The following PIGL variants were observed in gnomAD, a reference collection of about 807,000 sequenced individuals.
PIGL encodes N-acetylglucosaminyl-phosphatidylinositol de-N-acetylase.
A neutral mutation model predicts 31.1 loss-of-function variants in PIGL; 22 were observed. The observed-to-expected ratio is 0.71, with a 90% CI of 0.51 to 1.01. The LOEUF (loss-of-function observed/expected upper bound fraction) is 1.01, where lower values mean the gene tolerates loss of function less well. PIGL is among the 50% of genes least tolerant of loss of function. The pLI, the probability that PIGL is intolerant of heterozygous loss-of-function variation, is 0.00. For missense variants in PIGL, 302 were observed against 315.9 expected (o/e 0.96, Z 0.33); for synonymous variants, 131 against 117.4 (o/e 1.12, Z -0.75).
At chr17:16,234,957 C>T (rs988810212) in intron 2 of PIGL, among the ~76,000 whole-genome samples, 5 of 152,076 alleles carry the variant, frequency 3.3e-5, no homozygotes, top group African/African-American at 1.2e-4. Flanking sequence ...CCCCCATTTG[C>T]CTATTACCTA....
chr17:16,227,323 C>G (rs1008842485), intron 1 of PIGL, among the ~76,000 whole-genome samples: 1 of 151,898 alleles, frequency 6.6e-6, no homozygotes, highest in Non-Finnish European at 1.5e-5. Context: ...GTTGGCCAGG[C>G]TAGTCTCAAA....
chr17:16,248,643 A>G lies in PIGL; in HGVS notation c.335+14573A>G, dbSNP rs1036668339. On this transcript the variant is annotated intron_variant, in intron 2 of 6. Transcript: ENST00000225609. ...CTCACCAGAATCACCTTTAATGTCC[A>G]TATTTCTACCAACCATTCCTTCCTG... 5.9e-5 allele frequency among the ~76,000 whole-genome samples: 9 copies of G among 152,022 alleles called. No homozygotes were observed. The South Asian group carries it at 8.3e-4, about 14-fold the overall frequency.
intron 2 of PIGL, among the ~76,000 whole-genome samples, chr17:16,243,126 C>T (rs2092730076): frequency 6.6e-6 from 1 of 152,180 alleles, no homozygotes; most frequent in South Asian, 2.1e-4. Flanking sequence ...TCTTGGCTCA[C>T]AGCAACCTCC....
At chr17:16,270,459 A>G (rs900532906) in intron 2 of PIGL, among the ~76,000 whole-genome samples, 1 of 151,828 alleles carries the variant, frequency 6.6e-6, no homozygotes, top group South Asian at 2.1e-4. Flanking sequence ...AAATTAATTA[A>G]TTATAAATTA....
At chr17:16,270,819 G>T (rs1336845219) in intron 2 of PIGL, among the ~76,000 whole-genome samples, 1 of 151,970 alleles carries the variant, frequency 6.6e-6, no homozygotes, top group African/African-American at 2.4e-5. Flanking sequence ...CTTGAACCCG[G>T]GAGGCAGAGG....
rs931892014 is a variant in PIGL, at chr17:16,291,955, C to T, written c.336-7933C>T. Among the ~76,000 whole-genome samples, 8 of 151,800 alleles carry T rather than the reference C, an allele frequency of 5.3e-5. 1 individual carries two copies. The highest frequency in any genetic ancestry group is 1.0e-4 in the Non-Finnish European group (7 of 67,974). The stretch of plus-strand genomic sequence containing the variant: ...CTAGCCTGGGCAACATAGCAAGACC[C>T]CATGGCTATAAAATTAAAAAAGGAT... On this transcript the variant is annotated intron_variant, in intron 2 of 6. Coordinates refer to ENST00000225609, the MANE Select transcript of PIGL (RefSeq NM_004278.4).
At chr17:16,235,777 C>T (rs117353663) in intron 2 of PIGL, among the ~76,000 whole-genome samples, 2,688 of 134,204 alleles carry the variant, frequency 0.02, 66 homozygotes, top group East Asian at 0.049. Context: ...TTTTTGCACA[C>T]GGCAAATCAG....
intron 1 of PIGL, among the ~76,000 whole-genome samples, chr17:16,228,590 G>A (rs892187956): frequency 6.8e-6 from 1 of 147,916 alleles, no homozygotes; most frequent in Non-Finnish European, 1.5e-5. Flanking sequence ...GGGTTTCACC[G>A]TGTTAGCCAG....
At chr17:16,247,502 G>A (rs2092753617) in intron 2 of PIGL, among the ~76,000 whole-genome samples, 1 of 152,214 alleles carries the variant, frequency 6.6e-6, no homozygotes, top group Admixed American at 6.5e-5. Context: ...AGAAATGGGT[G>A]ACAGGCCCCA....
intron 3 of PIGL, 141 bp downstream of exon 3, chr17:16,300,119 A>G (rs1435292747): frequency 1.2e-5 from 8 of 644,180 alleles, no homozygotes; most frequent in East Asian, 5.4e-5. Context: ...AGAACTTCCA[A>G]TGCTCACCAT....
At chr17:16,295,335 G>A (rs543322629) in intron 2 of PIGL, among the ~76,000 whole-genome samples, 22 of 151,452 alleles carry the variant, frequency 1.5e-4, no homozygotes, top group Non-Finnish European at 2.2e-4. Flanking sequence ...CCCAGGTGGC[G>A]GAGGTTGCAG....
intron 2 of PIGL, among the ~76,000 whole-genome samples, chr17:16,260,335 C>T (rs1021533740): frequency 2.6e-5 from 4 of 152,172 alleles, no homozygotes; most frequent in African/African-American, 9.7e-5. Context: ...GGAGTGAGAA[C>T]TTATGGTGCT....
chr17:16,220,715 C>T (rs573834448), intron 1 of PIGL, among the ~76,000 whole-genome samples: 126 of 152,014 alleles, frequency 8.3e-4, no homozygotes, highest in African/African-American at 2.7e-3. Context: ...TCAAAACTCC[C>T]GACCTCAGGT....
chr17:16,269,573 T>C (rs897382976), intron 2 of PIGL, among the ~76,000 whole-genome samples: 4 of 148,718 alleles, frequency 2.7e-5, no homozygotes, highest in African/African-American at 1.0e-4. Context: ...ATTGCTTAAA[T>C]CCAGGAGGCT....
chr17:16,320,521 GAA>G (rs932903425), intron 6 of PIGL, among the ~76,000 whole-genome samples: 65 of 137,356 alleles, frequency 4.7e-4, no homozygotes, highest in African/African-American at 1.7e-3. Context: ...GAGAGAGAAA[GAA>G]AAGAAAAGAA....
At chr17:16,293,993 A>C (rs2092971236) in intron 2 of PIGL, among the ~76,000 whole-genome samples, 1 of 152,174 alleles carries the variant, frequency 6.6e-6, no homozygotes, top group African/African-American at 2.4e-5. Flanking sequence ...TTGGGAGGTT[A>C]TCTGTGTCAT....
intron 1 of PIGL, among the ~76,000 whole-genome samples, chr17:16,218,677 C>CTTTTTTT (rs34243048): frequency 3.9e-5 from 5 of 127,662 alleles, no homozygotes; most frequent in African/African-American, 8.8e-5. Context: ...CCAACTTACT[C>CTTTTTTT]TTTTTTTTTT....
intron 2 of PIGL, among the ~76,000 whole-genome samples, chr17:16,298,800 G>A (rs902928338): frequency 1.3e-5 from 2 of 152,170 alleles, no homozygotes; most frequent in African/African-American, 4.8e-5. Context: ...GGCTGAGGTG[G>A]GCAGATCACC....
intron 2 of PIGL, among the ~76,000 whole-genome samples, chr17:16,250,299 A>G (rs923297392): frequency 1.4e-4 from 22 of 152,114 alleles, no homozygotes; most frequent in African/African-American, 4.8e-4. Context: ...TATAAATTAA[A>G]CTTCATCATA....
Sources: allele counts gnomAD v4.1 joint callset (sites outside exome capture counted in the v4.1 genomes callset), GRCh38; gene constraint gnomAD v4.1.1; transcripts MANE v1.5; gene names NCBI Gene and HGNC (gene_info 2026-07-23, HGNC 2026-07-21).